Variants in CYP7B1 observed in about 807,000 individuals in gnomAD.
CYP7B1 encodes cytochrome P450 family 7 subfamily B member 1.
In CYP7B1, 29 loss-of-function variants were observed where a neutral mutation model predicts 42.7. The observed-to-expected ratio is 0.68, with a 90% CI of 0.51 to 0.93. The LOEUF is 0.93. CYP7B1 is among the 40% of genes least tolerant of loss of function. The probability of loss-of-function intolerance (pLI) is 0.00; values close to 1 mark genes in which losing one functional copy is unlikely to be tolerated. For missense variants in CYP7B1, 655 were observed against 600.5 expected (o/e 1.09, Z -0.95); for synonymous variants, 235 against 218.2 (o/e 1.08, Z -0.68).
chr8:64,715,187 C>T (rs535073493), intron 1 of CYP7B1, among the ~76,000 whole-genome samples: 11 of 152,300 alleles, frequency 7.2e-5, no homozygotes, highest in South Asian at 2.1e-4. Flanking sequence ...CATCTTACTA[C>T]GTAAATTGCC....
At chr8:64,747,962 G>C (rs1008780514) in intron 1 of CYP7B1, among the ~76,000 whole-genome samples, 2 of 152,088 alleles carry the variant, frequency 1.3e-5, no homozygotes, top group Non-Finnish European at 2.9e-5. Context: ...TCATGGCCTA[G>C]CCCATGACCC....
downstream of CYP7B1, among the ~76,000 whole-genome samples, chr8:64,590,470 G>C (rs1206960069): frequency 6.6e-6 from 1 of 152,160 alleles, no homozygotes; most frequent in Non-Finnish European, 1.5e-5. Context: ...ATCTGCTGAA[G>C]ACAAAGATTA....
chr8:64,747,819 A>G (rs1211539954), intron 1 of CYP7B1, among the ~76,000 whole-genome samples: 1 of 152,060 alleles, frequency 6.6e-6, no homozygotes, highest in Non-Finnish European at 1.5e-5. Context: ...GCACCTGGCT[A>G]TTCATTATTA....
intron 1 of CYP7B1, chr8:64,734,340 TCA>T (rs1457907428): frequency 6.6e-6 from 1 of 152,188 alleles, no homozygotes; most frequent in African/African-American, 2.4e-5. Flanking sequence ...ATTAATTTTC[TCA>T]CAGTTCTAGA....
intron 1 of CYP7B1, among the ~76,000 whole-genome samples, chr8:64,699,363 T>C (rs931770592): frequency 1.3e-5 from 2 of 152,066 alleles, no homozygotes; most frequent in African/African-American, 4.8e-5. Context: ...ATAAACACTT[T>C]TTTGAGTATG....
intron 1 of CYP7B1, among the ~76,000 whole-genome samples, chr8:64,686,039 C>T (rs1451305297): frequency 0.05 from 3,254 of 65,448 alleles, no homozygotes; most frequent in Non-Finnish European, 0.072. Context: ...CCACCCCGTC[C>T]GGGAGGGAGA....
At chr8:64,598,615 A>C (rs1033227110) in intron 5 of CYP7B1, among the ~76,000 whole-genome samples, 2 of 152,160 alleles carry the variant, frequency 1.3e-5, no homozygotes, top group African/African-American at 4.8e-5. Flanking sequence ...TAAGCCAGAA[A>C]TCACCATGGT....
intron 1 of CYP7B1, among the ~76,000 whole-genome samples, chr8:64,679,934 T>A (rs139486573): frequency 0.012 from 1,893 of 152,278 alleles, 16 homozygotes; most frequent in Non-Finnish European, 0.02. Context: ...ATAAAACTTA[T>A]CCTCTTGGCA....
intron 1 of CYP7B1, among the ~76,000 whole-genome samples, chr8:64,711,326 G>C (rs572131891): frequency 4.0e-4 from 61 of 152,272 alleles, no homozygotes; most frequent in African/African-American, 1.4e-3. Context: ...TGATTTCACA[G>C]CTGCATGGTA....
chr8:64,706,579 A>G (rs2129632574), intron 1 of CYP7B1, among the ~76,000 whole-genome samples: 1 of 152,174 alleles, frequency 6.6e-6, no homozygotes, highest in Admixed American at 6.6e-5. Flanking sequence ...TTGCATCAGG[A>G]AAATAGAAGT....
intron 1 of CYP7B1, among the ~76,000 whole-genome samples, chr8:64,639,395 CA>C (rs1563372781): frequency 1.3e-5 from 2 of 151,794 alleles, no homozygotes; most frequent in Non-Finnish European, 2.9e-5. Context: ...TAGGGGTGAA[CA>C]TATAGAGAAG....
chr8:64,627,282 T>A (rs1350567995), intron 1 of CYP7B1, among the ~76,000 whole-genome samples: 1 of 152,144 alleles, frequency 6.6e-6, no homozygotes, highest in Non-Finnish European at 1.5e-5. Flanking sequence ...AAAAAAACCA[T>A]TAATACAGTT....
Position 64,624,511 on chromosome 8 carries a change from CT to C in CYP7B1, c.150del (p.Gly51ValfsTer10), listed in dbSNP as rs767377193. 3 of 1,613,012 alleles carry C rather than the reference CT, an allele frequency of 1.9e-6. No individual in the cohort carries two copies. The highest frequency in any genetic ancestry group is 1.7e-4 in the Middle Eastern group (1 of 6,060). ...ACCACTCCAAGATAAGGAAGCCAACCTTTTATCAATGGAGGCTCACCGGGTC... is the reference window on the plus strand; with the variant it reads ...ACCACTCCAAGATAAGGAAGCCAACCTTTATCAATGGAGGCTCACCGGGTC... ...TRRPGEPPLI[K>X]GWLPYLGVVL... is the part of the protein sequence containing the mutation. On this transcript the variant is annotated frameshift_variant, in exon 2 of 6. Transcript: ENST00000310193. LOFTEE classifies it high-confidence loss of function.
At chr8:64,643,162 C>CGTATATAT (rs1563374353) in intron 1 of CYP7B1, among the ~76,000 whole-genome samples, 1 of 29,338 alleles carries the variant, frequency 3.4e-5, no homozygotes, top group Non-Finnish European at 1.0e-4. Flanking sequence ...TACATATATA[C>CGTATATAT]ACATATATAC....
At chr8:64,706,497 A>T (rs888731670) in intron 1 of CYP7B1, among the ~76,000 whole-genome samples, 1 of 152,024 alleles carries the variant, frequency 6.6e-6, no homozygotes, top group African/African-American at 2.4e-5. Context: ...TACCTGTTAA[A>T]AGCTTCACAA....
chr8:64,724,769 T>A (rs886256401), intron 1 of CYP7B1, among the ~76,000 whole-genome samples: 13 of 152,104 alleles, frequency 8.5e-5, no homozygotes, highest in Non-Finnish European at 1.6e-4. Flanking sequence ...AGAACGAAGA[T>A]CTCTCTGCCC....
Position 64,615,896 on chromosome 8 carries a change from A to G in CYP7B1, c.645T>C (p.Asp215=), listed in dbSNP as rs535511484. Residue 215 remains aspartate, a synonymous_variant, in exon 3 of 6, where the codon GAT becomes GAC. Transcript: ENST00000310193. The part of the protein sequence containing the change: ...NNKFISELRD[D]FLKFDDKFAY... Reference sequence around the variant, plus strand: ...CAAACTTGTCATCAAATTTTAAAAAATCATCTCTTAGCTCACTAATAAATT... The same window carrying G: ...CAAACTTGTCATCAAATTTTAAAAAGTCATCTCTTAGCTCACTAATAAATT... The G allele has an allele frequency of 5.3e-5, 85 of 1,613,552 alleles. No individual in the cohort carries two copies. The highest frequency in any genetic ancestry group is 6.6e-5 in the Non-Finnish European group (78 of 1,179,796).
intron 1 of CYP7B1, among the ~76,000 whole-genome samples, chr8:64,670,286 T>A (rs1286965584): frequency 6.6e-6 from 1 of 152,212 alleles, no homozygotes; most frequent in Non-Finnish European, 1.5e-5. Flanking sequence ...ATTCATTTCC[T>A]CTTACATGTT....
At chr8:64,725,975 G>C (rs1807317789) in intron 1 of CYP7B1, among the ~76,000 whole-genome samples, 1 of 152,142 alleles carries the variant, frequency 6.6e-6, no homozygotes, top group Admixed American at 6.5e-5. Flanking sequence ...AGAGATTTCT[G>C]AGTAATCACA....
Sources: gnomAD v4.1 joint callset for allele counts (sites outside exome capture counted in the v4.1 genomes callset) on GRCh38, gnomAD v4.1.1 for gene constraint, MANE v1.5 for transcripts, NCBI Gene and HGNC (gene_info 2026-07-23, HGNC 2026-07-21) for gene names.